The following GJA5 variants were observed in gnomAD, a reference collection of about 807,000 sequenced individuals.
The protein encoded by GJA5 is gap junction alpha-5 protein.
GJA5 carries 3 observed loss-of-function variants against 7.9 expected under a neutral mutation model. That is an observed-to-expected ratio of 0.38 (90% CI 0.17 to 0.99). The LOEUF is 0.99. GJA5 is among the 50% of genes least tolerant of loss of function. The pLI is 0.38. For missense variants in GJA5, 390 were observed against 457.9 expected (o/e 0.85, Z 1.35); for synonymous variants, 193 against 181.0 (o/e 1.07, Z -0.53).
chr1:147,762,755 G>A (rs1664066627), upstream of GJA5, among the ~76,000 whole-genome samples: 1 of 152,204 alleles, frequency 6.6e-6, no homozygotes, highest in Non-Finnish European at 1.5e-5. Context: ...TCTGGCTGTA[G>A]TTACTTTTCC....
Position 147,757,936 on chromosome 1 carries a change from G to T in GJA5, c.*226C>A. 1.7e-6 allele frequency: 1 copy of T among 584,338 alleles called. No individual in the cohort carries two copies. The allele number at this position is 584,338 out of a possible 1,614,324, so 36.2% of individuals were successfully genotyped here. ...TAATCTGAAAGGCTTCGTATACTGG[G>T]TAGAGGGTGGGGAGGGAACTGCAGT... On this transcript the variant is annotated 3_prime_UTR_variant, in exon 2 of 2. Transcript: ENST00000579774.
chr1:147,761,087 G>A (rs1449182123), upstream of GJA5, among the ~76,000 whole-genome samples: 1 of 152,134 alleles, frequency 6.6e-6, no homozygotes, highest in Non-Finnish European at 1.5e-5. Flanking sequence ...AGTGCCCTGA[G>A]GCCTCTGAAG....
chr1:147,762,075 A>G (rs1553227515), upstream of GJA5, among the ~76,000 whole-genome samples: 1 of 152,220 alleles, frequency 6.6e-6, no homozygotes, highest in East Asian at 1.9e-4. Context: ...AAAGCACTTA[A>G]CACAGTGTTC....
At position 147,756,574 on chromosome 1, in the gene GJA5, T is replaced by C. The variant is rs782072315; in HGVS notation, c.*1588A>G. Reference sequence around the variant, plus strand: ...CTTTACCCTCCTCTGTCCCAACCTCTTGTGGCTATCTGTTTAGGTTAATAA... The same window carrying C: ...CTTTACCCTCCTCTGTCCCAACCTCCTGTGGCTATCTGTTTAGGTTAATAA... On this transcript the variant is annotated 3_prime_UTR_variant, in exon 2 of 2. Transcript: ENST00000579774. 8 of 152,182 alleles carry C rather than the reference T, an allele frequency of 5.3e-5. No homozygotes were observed. The highest frequency in any genetic ancestry group is 8.8e-5 in the Non-Finnish European group (6 of 68,042). The allele number at this position is 152,182 out of a possible 1,614,324, so 9.4% of individuals were successfully genotyped here.
chr1:147,759,323 G>A, intron 1 of GJA5, 52 bp from the exon 2 acceptor site: 1 of 935,894 alleles, frequency 1.1e-6, no homozygotes, highest in Non-Finnish European at 1.7e-6. Flanking sequence ...GTTCTGTGAA[G>A]GTCTGGAATG....
In GJA5 at chr1:147,759,702, C is replaced by T. The variant is rs969370507; in HGVS notation, c.-33-431G>A. On this transcript the variant is annotated intron_variant, in intron 1 of 1. Coordinates refer to ENST00000579774, the MANE Select transcript of GJA5 (RefSeq NM_181703.4). ...ATTAAAAAGAACACAAGACTGGGGT[C>T]TGCAAATGTGACTCTGGGCATTTAC... Among the ~76,000 whole-genome samples, 22 of 152,320 alleles carry T rather than the reference C, an allele frequency of 1.4e-4. No individual in the cohort carries two copies. In the South Asian group the frequency reaches 2.5e-3, roughly 17 times the overall value.
upstream of GJA5, among the ~76,000 whole-genome samples, chr1:147,761,901 G>A (rs1380425731): frequency 2.0e-5 from 3 of 152,186 alleles, no homozygotes; most frequent in East Asian, 3.9e-4. Flanking sequence ...AAAAGACCAT[G>A]TAGGGTTAAG....
chr1:147,763,952 A>C (rs782099799), upstream of GJA5, among the ~76,000 whole-genome samples: 57 of 152,094 alleles, frequency 3.7e-4, no homozygotes, highest in Non-Finnish European at 6.5e-4. Context: ...CTGGGATTAC[A>C]GGTGTGTGCC....
chr1:147,758,840 C>T lies in GJA5; in HGVS notation c.399G>A (p.Leu133=), dbSNP rs782770843. The T allele has an allele frequency of 1.2e-6, 2 of 1,614,238 alleles. No homozygotes were observed. Among genetic ancestry groups the T allele is most frequent in the Non-Finnish European group, 8.5e-7 (1 of 1,180,036 alleles). The change falls in exon 2 of 2, where the codon CTG becomes CTA. Residue 133 remains leucine (L), a synonymous_variant. Transcript: ENST00000579774. The part of the protein sequence containing the change: ...YEYPVAEKAE[L]SCWEEGNGRI... ...TTCCATTCCCTTCCTCCCAGCAGGA[C>T]AGTTCTGCCTTCTCTGCCACCGGGT...
At chr1:147,773,173 C>G (rs1289757983) in intron 1 of GJA5, 2 of 152,176 alleles carry the variant, frequency 1.3e-5, no homozygotes, top group Admixed American at 6.5e-5. Flanking sequence ...TTTATCCAGC[C>G]TAGAATCCAA....
chr1:147,769,807 A>C (rs1664332396), intron 1 of GJA5, among the ~76,000 whole-genome samples: 1 of 152,006 alleles, frequency 6.6e-6, no homozygotes, highest in Non-Finnish European at 1.5e-5. Flanking sequence ...TGTAGGGCCC[A>C]ATCAAATTAA....
At position 147,757,075 on chromosome 1, in the gene GJA5, T is replaced by C. The variant is rs1663767530; in HGVS notation, c.*1087A>G. ...GTTGGCAGTCAGCAAAGGAAGTAAATAGGAGGGGAAAATAGTTTTCCAGTG... is the reference window on the plus strand; with the variant it reads ...GTTGGCAGTCAGCAAAGGAAGTAAACAGGAGGGGAAAATAGTTTTCCAGTG... On this transcript the variant is annotated 3_prime_UTR_variant, in exon 2 of 2. Transcript: ENST00000579774. The C allele has an allele frequency of 6.6e-6, 1 of 152,312 alleles. No individual in the cohort carries two copies. The highest frequency in any genetic ancestry group is 1.9e-4 in the East Asian group (1 of 5,186). 9.4% of individuals were successfully genotyped at this position (152,312 alleles called of 1,614,324 possible).
rs1460236857 is a variant in GJA5 at position 147,756,712 on chromosome 1, C to T, written c.*1450G>A. ...CATCCCATCAGCACCCACACACACA[C>T]ACACGTGCATTTTAATAATGTAATA... On this transcript the variant is annotated 3_prime_UTR_variant, in exon 2 of 2. Transcript: ENST00000579774. The T allele has an allele frequency of 6.6e-6, 1 of 152,230 alleles. No homozygotes were observed. The highest frequency in any genetic ancestry group is 2.4e-5 in the African/African-American group (1 of 41,434). 9.4% of individuals were successfully genotyped at this position (152,230 alleles called of 1,614,324 possible).
intron 1 of GJA5, chr1:147,773,138 A>C (rs1483549762): frequency 1.3e-5 from 2 of 152,114 alleles, no homozygotes; most frequent in Non-Finnish European, 2.9e-5. Flanking sequence ...GAATAAACTC[A>C]CAGGTAGAAA....
chr1:147,772,011 C>T (rs1286183949), intron 1 of GJA5, among the ~76,000 whole-genome samples: 2 of 152,140 alleles, frequency 1.3e-5, no homozygotes, highest in Non-Finnish European at 2.9e-5. Flanking sequence ...TAGAAGGCCT[C>T]TAAATACCAG....
At chr1:147,763,955 T>C (rs1553227736), upstream of GJA5, among the ~76,000 whole-genome samples, 2 of 151,778 alleles carry the variant, frequency 1.3e-5, no homozygotes, top group Non-Finnish European at 2.9e-5. Flanking sequence ...GGATTACAGG[T>C]GTGTGCCACC....
rs782474114 is a variant in GJA5 at position 147,758,831 on chromosome 1, CCAG to C, written c.405_407del (p.Cys135del). ...GGGCAATCCTTCCATTCCCTTCCTC[CCAG>C]CAGGACAGTTCTGCCTTCTCTGCCA... On this transcript the variant is annotated inframe_deletion, in exon 2 of 2. Coordinates refer to ENST00000579774, the MANE Select transcript of GJA5 (RefSeq NM_181703.4). 2.5e-6 allele frequency: 4 copies of C among 1,614,098 alleles called. No individual in the cohort carries two copies.
chr1:147,761,697 CTGA>C (rs1664024719), upstream of GJA5, among the ~76,000 whole-genome samples: 1 of 152,178 alleles, frequency 6.6e-6, no homozygotes, highest in Non-Finnish European at 1.5e-5. Flanking sequence ...AGGAAAATGG[CTGA>C]TTAGATAAGA....
At chr1:147,761,130 T>TA (rs1553227361), upstream of GJA5, among the ~76,000 whole-genome samples, 1 of 152,194 alleles carries the variant, frequency 6.6e-6, no homozygotes, top group East Asian at 1.9e-4. Flanking sequence ...CCAGAATTCT[T>TA]ACTTAGTGAA....
Sources: allele counts gnomAD v4.1 joint callset (sites outside exome capture counted in the v4.1 genomes callset), GRCh38; gene constraint gnomAD v4.1.1; transcripts MANE v1.5; gene names NCBI Gene and HGNC (gene_info 2026-07-23, HGNC 2026-07-21).